ERBB4: variants seen among roughly 807,000 people sequenced by gnomAD.
ERBB4 encodes receptor tyrosine-protein kinase erbB-4.
A neutral mutation model predicts 158.0 loss-of-function variants in ERBB4; 42 were observed. The ratio of observed to expected loss-of-function variants is 0.27; its 90% CI spans 0.21 to 0.34. The LOEUF is 0.34. Ranked by LOEUF, ERBB4 falls within the 10% of genes least tolerant of loss-of-function variation. The probability of loss-of-function intolerance (pLI) is 1.00; values close to 1 mark genes in which losing one functional copy is unlikely to be tolerated. For missense variants in ERBB4, 1,333 were observed against 1,624.1 expected (o/e 0.82, Z 3.08); for synonymous variants, 583 against 558.7 (o/e 1.04, Z -0.61).
At chr2:212,394,586 G>T (rs1163551104) in intron 1 of ERBB4, among the ~76,000 whole-genome samples, 2 of 151,940 alleles carry the variant, frequency 1.3e-5, no homozygotes, top group Non-Finnish European at 2.9e-5. Flanking sequence ...TTGAATTAGA[G>T]ATCAGAAAAG....
At chr2:211,840,276 C>T (rs1018359327) in intron 3 of ERBB4, among the ~76,000 whole-genome samples, 3 of 152,004 alleles carry the variant, frequency 2.0e-5, no homozygotes, top group African/African-American at 7.2e-5. Flanking sequence ...CCAAGAAAGA[C>T]GTGACTTTGC....
intron 20 of ERBB4, 45 bp downstream of exon 20, chr2:211,561,858 A>G (rs376161325): frequency 1.6e-5 from 25 of 1,526,318 alleles, no homozygotes; most frequent in Non-Finnish European, 1.9e-5. Flanking sequence ...GTTAGGAAAT[A>G]TTAACCTAAA....
At chr2:211,757,678 C>T (rs559949791) in intron 4 of ERBB4, among the ~76,000 whole-genome samples, 6 of 152,208 alleles carry the variant, frequency 3.9e-5, no homozygotes, top group Admixed American at 2.0e-4. Context: ...CACAAAGTAT[C>T]TTCTCCAGCA....
intron 1 of ERBB4, among the ~76,000 whole-genome samples, chr2:212,129,429 A>G (rs2080040348): frequency 6.6e-6 from 1 of 151,264 alleles, no homozygotes. Flanking sequence ...ATCCAATATA[A>G]TATAATATTA....
chr2:211,916,110 C>T (rs2125066325), intron 3 of ERBB4, among the ~76,000 whole-genome samples: 1 of 151,600 alleles, frequency 6.6e-6, no homozygotes, highest in Non-Finnish European at 1.5e-5. Flanking sequence ...TCTAGAGTGC[C>T]CATATCTCAA....
Position 211,822,067 on chromosome 2 carries a change from A to T in ERBB4, c.422-33908T>A, listed in dbSNP as rs567095502. On this transcript the variant is annotated intron_variant, in intron 3 of 27. Transcript: ENST00000342788. ...CCAGAAACAGAAAGTTAAACTCTGCATGATCTCACTAGTGGAAGCTAAAAA... is the reference window on the plus strand; with the variant it reads ...CCAGAAACAGAAAGTTAAACTCTGCTTGATCTCACTAGTGGAAGCTAAAAA... Among the ~76,000 whole-genome samples, 26 of 152,090 alleles carry T rather than the reference A, an allele frequency of 1.7e-4. No homozygotes were observed. In the South Asian group the frequency reaches 5.2e-3, roughly 30 times the overall value.
intron 20 of ERBB4, among the ~76,000 whole-genome samples, chr2:211,436,824 T>C (rs2063865165): frequency 6.6e-6 from 1 of 152,200 alleles, no homozygotes; most frequent in African/African-American, 2.4e-5. Flanking sequence ...CACCCGAAGA[T>C]GCTGTCATAT....
chr2:212,121,714 G>C (rs1307882679), intron 2 of ERBB4, among the ~76,000 whole-genome samples: 2 of 146,746 alleles, frequency 1.4e-5, no homozygotes, highest in African/African-American at 2.5e-5. Context: ...TAGATTCCCT[G>C]GGAGTAGGAG....
At chr2:211,886,255 C>T (rs1355149714) in intron 3 of ERBB4, among the ~76,000 whole-genome samples, 2 of 152,160 alleles carry the variant, frequency 1.3e-5, no homozygotes, top group African/African-American at 4.8e-5. Flanking sequence ...AAATTGCAAA[C>T]TCCATCCAAC....
In ERBB4 at chr2:211,788,152, T is replaced by C. The variant is rs113809180; in HGVS notation, c.429A>G (p.Leu143=). Residue 143 remains leucine, a synonymous_variant, in exon 4 of 28, where the codon CTA becomes CTG. Transcript: ENST00000342788. ...TCTGGTCTACATAGACTCCACCATT[T>C]AGGATTTCTGTATTAAAAAACAAAT... is the stretch of plus-strand genomic sequence containing the variant. ...ELGLKNLTEI[L]NGGVYVDQNK... 48 of 1,611,884 alleles carry C rather than the reference T, an allele frequency of 3.0e-5. No homozygotes were observed. The African/African-American group carries it at 5.7e-4, about 19-fold the overall frequency.
intron 3 of ERBB4, among the ~76,000 whole-genome samples, chr2:211,793,303 A>C (rs1168229992): frequency 6.6e-6 from 1 of 151,924 alleles, no homozygotes; most frequent in Non-Finnish European, 1.5e-5. Flanking sequence ...ACAGGAATGA[A>C]ATATTTAACC....
chr2:211,610,970 T>C (rs1464488404), intron 19 of ERBB4, among the ~76,000 whole-genome samples: 2 of 152,122 alleles, frequency 1.3e-5, no homozygotes, highest in Non-Finnish European at 2.9e-5. Context: ...AAATTAAGCC[T>C]GTTGGAATGC....
chr2:211,922,438 T>A (rs909454672), intron 3 of ERBB4, among the ~76,000 whole-genome samples: 1 of 152,150 alleles, frequency 6.6e-6, no homozygotes, highest in Admixed American at 6.5e-5. Context: ...CATTATAGTT[T>A]ATCAACTTTT....
chr2:211,635,750 T>G (rs1328929942), intron 16 of ERBB4, among the ~76,000 whole-genome samples: 3 of 152,158 alleles, frequency 2.0e-5, no homozygotes, highest in East Asian at 1.9e-4. Context: ...TTGGCGAAAC[T>G]GGTATTTTGA....
chr2:211,760,834 G>A (rs992087480), intron 4 of ERBB4, among the ~76,000 whole-genome samples: 2 of 152,108 alleles, frequency 1.3e-5, no homozygotes, highest in Non-Finnish European at 2.9e-5. Context: ...CAGCGCAGTA[G>A]GTATTTTATA....
intron 2 of ERBB4, among the ~76,000 whole-genome samples, chr2:212,114,104 G>C (rs1164177664): frequency 6.6e-6 from 1 of 152,176 alleles, no homozygotes; most frequent in Admixed American, 6.5e-5. Flanking sequence ...CATGGGCTTT[G>C]TCTGGTACTT....
intron 3 of ERBB4, among the ~76,000 whole-genome samples, chr2:211,912,826 C>G (rs1340608210): frequency 6.6e-6 from 1 of 152,142 alleles, no homozygotes; most frequent in East Asian, 1.9e-4. Flanking sequence ...GATAGCCTGA[C>G]ACTTTTAAAG....
At chr2:211,458,976 AT>A (rs1211313743) in intron 20 of ERBB4, among the ~76,000 whole-genome samples, 1 of 152,198 alleles carries the variant, frequency 6.6e-6, no homozygotes, top group Non-Finnish European at 1.5e-5. Flanking sequence ...CCAACATATT[AT>A]AAAATGATTA....
chr2:212,257,316 T>A (rs889393948), intron 1 of ERBB4, among the ~76,000 whole-genome samples: 1 of 152,152 alleles, frequency 6.6e-6, no homozygotes, highest in African/African-American at 2.4e-5. Context: ...AACTTCATGA[T>A]AATGTTTTCT....
Sources: allele counts gnomAD v4.1 joint callset (sites outside exome capture counted in the v4.1 genomes callset), GRCh38; gene constraint gnomAD v4.1.1; transcripts MANE v1.5; gene names NCBI Gene and HGNC (gene_info 2026-07-23, HGNC 2026-07-21).